SLC4A4: variants seen among roughly 807,000 people sequenced by gnomAD.
The protein encoded by SLC4A4 is solute carrier family 4 member 4.
SLC4A4 carries 27 observed loss-of-function variants against 111.5 expected under a neutral mutation model. The ratio of observed to expected loss-of-function variants is 0.24; its 90% CI spans 0.18 to 0.33. The LOEUF is 0.33. Ranked by LOEUF, SLC4A4 falls within the 10% of genes least tolerant of loss-of-function variation. The pLI, the probability that SLC4A4 is intolerant of heterozygous loss-of-function variation, is 1.00. For missense variants in SLC4A4, 909 were observed against 1,315.5 expected, an observed-to-expected ratio of 0.69 and a Z score of 4.78; for synonymous variants, 443 against 463.4, an observed-to-expected ratio of 0.96 and a Z score of 0.57.
chr4:71,190,385 TACACACACACACACACACACAC>T (rs5859253), intron 1 of SLC4A4, among the ~76,000 whole-genome samples: 81 of 143,774 alleles, frequency 5.6e-4, no homozygotes, highest in Admixed American at 1.0e-3. Context: ...TATGTATGTT[TACACACACACACACACACACAC>T]ACACACACAC....
chr4:71,481,458 G>C (rs1728874489), intron 14 of SLC4A4, among the ~76,000 whole-genome samples: 3 of 151,700 alleles, frequency 2.0e-5, no homozygotes, highest in Admixed American at 2.0e-4. Flanking sequence ...CCCTATGCAA[G>C]AGGTGTGCCA....
chr4:71,464,509 A>G (rs752197051), intron 12 of SLC4A4, among the ~76,000 whole-genome samples: 8 of 152,160 alleles, frequency 5.3e-5, no homozygotes, highest in Non-Finnish European at 1.2e-4. Context: ...CCCTTCAGCC[A>G]TGTGCTGGAC....
chr4:71,243,775 T>A (rs1050280971), intron 2 of SLC4A4, among the ~76,000 whole-genome samples: 3 of 152,212 alleles, frequency 2.0e-5, no homozygotes, highest in Non-Finnish European at 4.4e-5. Flanking sequence ...TTTCTGCCTT[T>A]CCATAGAGTT....
chr4:71,318,492 T>C (rs1726870194), intron 3 of SLC4A4, among the ~76,000 whole-genome samples: 1 of 152,088 alleles, frequency 6.6e-6, no homozygotes, highest in South Asian at 2.1e-4. Context: ...AAATTTAGTG[T>C]TAGCTGATTT....
chr4:71,179,732 C>T (rs1056203288), intron 2 of SLC4A4, among the ~76,000 whole-genome samples: 2 of 152,192 alleles, frequency 1.3e-5, no homozygotes, highest in African/African-American at 4.8e-5. Flanking sequence ...ACATTCCATG[C>T]TCGTGGGTAG....
intron 2 of SLC4A4, among the ~76,000 whole-genome samples, chr4:71,173,830 T>C (rs1275562154): frequency 6.6e-6 from 1 of 152,160 alleles, no homozygotes; most frequent in African/African-American, 2.4e-5. Context: ...ATATAGCTTC[T>C]TGTGAAGGTG....
chr4:71,147,569 G>A (rs79161227), intron 2 of SLC4A4, among the ~76,000 whole-genome samples: 4,440 of 152,258 alleles, frequency 0.029, 227 homozygotes, highest in African/African-American at 0.1. Flanking sequence ...ATGGAGTACA[G>A]TTGGAGAAGG....
At chr4:71,461,920 G>A (rs11946330) in intron 12 of SLC4A4, among the ~76,000 whole-genome samples, 4,548 of 152,194 alleles carry the variant, frequency 0.03, 228 homozygotes, top group African/African-American at 0.1. Context: ...GGAAAGAAGC[G>A]TCTCTTAATG....
At chr4:71,300,801 C>G (rs1448109350) in intron 3 of SLC4A4, 2 of 366,604 alleles carry the variant, frequency 5.5e-6, no homozygotes, top group African/African-American at 4.3e-5. Context: ...TCTGCAGCAG[C>G]AGTGCAAACC....
At chr4:71,160,985 T>C (rs1164023106) in intron 2 of SLC4A4, among the ~76,000 whole-genome samples, 3 of 152,214 alleles carry the variant, frequency 2.0e-5, no homozygotes, top group Non-Finnish European at 4.4e-5. Context: ...AACTTCAAGA[T>C]GAAAAACATT....
At chr4:71,143,945 G>C (rs1452325010) in intron 2 of SLC4A4, among the ~76,000 whole-genome samples, 1 of 152,158 alleles carries the variant, frequency 6.6e-6, no homozygotes, top group Admixed American at 6.5e-5. Context: ...AAGCTCTTGA[G>C]TTTAATTAGA....
intron 2 of SLC4A4, among the ~76,000 whole-genome samples, chr4:71,103,852 A>G (rs1742834537): frequency 6.8e-6 from 1 of 147,400 alleles, no homozygotes; most frequent in Admixed American, 6.8e-5. Flanking sequence ...TAACATCACA[A>G]TTAAAAGAAC....
upstream of SLC4A4, among the ~76,000 whole-genome samples, chr4:71,184,970 A>G (rs1745405530): frequency 6.6e-6 from 1 of 152,188 alleles, no homozygotes; most frequent in African/African-American, 2.4e-5. Flanking sequence ...TTAATTTAAG[A>G]CACATACCAA....
intron 13 of SLC4A4, among the ~76,000 whole-genome samples, chr4:71,468,612 A>G (rs182570995): frequency 2.0e-5 from 3 of 152,070 alleles, no homozygotes; most frequent in African/African-American, 2.4e-5. Flanking sequence ...TCTCAATGCT[A>G]TATCATTTGT....
intron 1 of SLC4A4, among the ~76,000 whole-genome samples, chr4:71,203,721 A>G (rs992888361): frequency 2.0e-5 from 3 of 152,232 alleles, no homozygotes; most frequent in Non-Finnish European, 4.4e-5. Flanking sequence ...TGTTTATTTA[A>G]ATAGAATGGC....
At chr4:71,354,468 T>C (rs1350881109) in intron 5 of SLC4A4, among the ~76,000 whole-genome samples, 1 of 152,238 alleles carries the variant, frequency 6.6e-6, no homozygotes. Context: ...TGCAACATTG[T>C]CATCAGAAAT....
chr4:71,269,818 G>A (rs772366471), intron 3 of SLC4A4, among the ~76,000 whole-genome samples: 6 of 152,282 alleles, frequency 3.9e-5, no homozygotes, highest in African/African-American at 7.2e-5. Context: ...GTTTGGAATC[G>A]TAGTTTGTGT....
chr4:71,451,269 T>C lies in SLC4A4; in HGVS notation c.1290T>C (p.His430=). ...ATGGAGGTCACGGAGGAGGAGGACA[T>C]GGGGATTGTGAAGAATTGCAGCGAA... ...PHDGGHGGGG[H]GDCEELQRTG... is the part of the protein sequence containing the mutation. The change falls in exon 11 of 26, where the codon CAT becomes CAC. Residue 430 remains histidine, a synonymous_variant. Coordinates refer to ENST00000264485, the MANE Select transcript of SLC4A4 (RefSeq NM_001098484.3). 2 of 1,612,738 alleles carry C rather than the reference T, an allele frequency of 1.2e-6. No homozygotes were observed. The highest frequency in any genetic ancestry group is 1.7e-6 in the Non-Finnish European group (2 of 1,178,840).
At chr4:71,119,652 C>A (rs1250361304) in intron 2 of SLC4A4, among the ~76,000 whole-genome samples, 1 of 152,084 alleles carries the variant, frequency 6.6e-6, no homozygotes, top group East Asian at 1.9e-4. Context: ...AAAATTTATT[C>A]TATTTGGGAT....
Sources: allele counts gnomAD v4.1 joint callset (sites outside exome capture counted in the v4.1 genomes callset), GRCh38; gene constraint gnomAD v4.1.1; transcripts MANE v1.5; gene names NCBI Gene and HGNC (gene_info 2026-07-23, HGNC 2026-07-21).